PLEKHH1: variants seen among roughly 807,000 people sequenced by gnomAD.
PLEKHH1 encodes the protein pleckstrin homology domain-containing family H member 1.
Under a neutral mutation model 160.0 loss-of-function variants are expected in PLEKHH1, and 104 were observed. The observed-to-expected ratio is 0.65, with a 90% CI of 0.55 to 0.76. The LOEUF (loss-of-function observed/expected upper bound fraction) is 0.76. Ranked by LOEUF, PLEKHH1 falls within the 30% of genes least tolerant of loss-of-function variation. PLEKHH1 has a pLI of 0.00. For synonymous variants in PLEKHH1, 619 were observed against 678.4 expected (o/e 0.91, Z 1.36); for missense variants, 1,427 against 1,724.1 (o/e 0.83, Z 3.05).
chr14:67,584,113 T>C lies in PLEKHH1; in HGVS notation c.3688T>C (p.Phe1230Leu), dbSNP rs1317426393. ...RKWPFFGAKL[F>L]AAQPAQLSSK... is the part of the protein sequence containing the mutation. ...ATGGCCTTTCTTTGGTGCTAAACTT[T>C]TTGCTGCTCAGGTAAGTGCCAGTGG... Residue 1230 changes from phenylalanine to leucine, a missense_variant, in exon 26 of 29, where the codon TTT (phenylalanine) becomes CTT (leucine). Around this residue, in one of 6 missense-constraint regions of PLEKHH1, gnomAD observed 56 missense variants for 53.0 expected, o/e 1.06. Coordinates refer to ENST00000329153, the MANE Select transcript of PLEKHH1 (RefSeq NM_020715.3). 1.9e-6 allele frequency: 3 copies of C among 1,613,420 alleles called. No individual in the cohort carries two copies. The African/African-American group carries it at 4.0e-5, about 22-fold the overall frequency.
chr14:67,586,076 C>T lies in PLEKHH1; in HGVS notation c.3912C>T (p.Ile1304=), dbSNP rs1252044589. Residue 1304 remains isoleucine, a synonymous_variant, in exon 28 of 29, where the codon ATC becomes ATT. Transcript: ENST00000329153. The stretch of plus-strand genomic sequence containing the variant: ...GAAAAAGCCACATTGAGAAGTTGAT[C>T]TTCCGGATGGCTGCTCCCAAGGTAG... ...SSGKSHIEKL[I]FRMAAPKIAE... The T allele has an allele frequency of 1.1e-5, 17 of 1,613,820 alleles. No individual in the cohort carries two copies. The highest frequency in any genetic ancestry group is 1.2e-5 in the Non-Finnish European group (14 of 1,179,872).
intron 5 of PLEKHH1, among the ~76,000 whole-genome samples, chr14:67,560,720 C>T (rs2034796346): frequency 7.0e-6 from 1 of 143,712 alleles, no homozygotes; most frequent in Non-Finnish European, 1.5e-5. Flanking sequence ...AAAGGATGAA[C>T]ATATATCTTT....
Position 67,576,385 on chromosome 14 carries a change from C to T in PLEKHH1, c.2353-10C>T, listed in dbSNP as rs764932184. 6.5e-7 allele frequency: 1 copy of T among 1,546,864 alleles called. No homozygotes were observed. Among genetic ancestry groups the T allele is most frequent in the Admixed American group, 1.7e-5 (1 of 59,212 alleles). ...CCGTCCCCATCCGATGGCTTTCCGC[C>T]CTCTTCCAGGATACGTGGCTCTACC... On this transcript the variant is annotated splice_polypyrimidine_tract_variant and intron_variant, in intron 16 of 28. Coordinates refer to ENST00000329153, the MANE Select transcript of PLEKHH1 (RefSeq NM_020715.3). This position sits in a 1 kb window ranked among gnomAD's most constrained non-coding sequence, Gnocchi z 4.0.
chr14:67,568,947 A>T, intron 7 of PLEKHH1, 191 bp from the exon 8 acceptor site: 1 of 571,488 alleles, frequency 1.7e-6, no homozygotes. Context: ...AAAGGTAAGT[A>T]TTATTACCTC....
In PLEKHH1 at chr14:67,562,484, G is replaced by T. The variant is rs768377349; in HGVS notation, c.853G>T (p.Gly285Cys). Residue 285 changes from glycine to cysteine, a missense_variant, in exon 7 of 29, where the codon GGT becomes TGT. Gly to Cys is a radical substitution (Grantham distance 159, BLOSUM62 -3). Coordinates refer to ENST00000329153, the MANE Select transcript of PLEKHH1 (RefSeq NM_020715.3). ...ATGTAGTTCAGCTTCCTGGGGTGAG[G>T]GTCTGGTTACTGCTCAGAGAGGGAT... ...FRCSSASWGE[G>C]LVTAQRGMLP... 6.2e-7 allele frequency: 1 copy of T among 1,613,364 alleles called. No individual in the cohort carries two copies. Among genetic ancestry groups the T allele is most frequent in the African/African-American group, 1.3e-5 (1 of 74,920 alleles).
At chr14:67,560,709 A>G (rs1046026139) in intron 5 of PLEKHH1, among the ~76,000 whole-genome samples, 1 of 151,708 alleles carries the variant, frequency 6.6e-6, no homozygotes, top group Non-Finnish European at 1.5e-5. Context: ...TGCAGTTTGG[A>G]AAAGGATGAA....
chr14:67,573,292 C>T lies in PLEKHH1; in HGVS notation c.1745C>T (p.Ser582Leu), dbSNP rs779517515. The change falls in exon 12 of 29, where the codon TCG (serine) becomes TTG (leucine). Residue 582 changes from serine to leucine, a missense_variant. By Grantham distance (145) the Ser-to-Leu change is moderately radical (BLOSUM62 -2). Transcript: ENST00000329153. The surrounding 1 kb of genome is among the most constrained non-coding windows in gnomAD (Gnocchi z 4.8). Reference sequence around the variant, plus strand: ...ACCCCTCAGGAGTCACTGGAGAAGTCGGGCTACCTGCTGAAAATGGGGAGC... The same window carrying T: ...ACCCCTCAGGAGTCACTGGAGAAGTTGGGCTACCTGCTGAAAATGGGGAGC... The part of the protein sequence containing the change: ...LGLGGESLEK[S>L]GYLLKMGSQV... The T allele has an allele frequency of 9.9e-6, 16 of 1,612,040 alleles. No individual in the cohort carries two copies. The South Asian group carries it at 1.2e-4, about 12-fold the overall frequency.
chr14:67,549,079 C>G (rs889574101), intron 2 of PLEKHH1, among the ~76,000 whole-genome samples: 1 of 152,096 alleles, frequency 6.6e-6, no homozygotes, highest in Non-Finnish European at 1.5e-5. Context: ...TACTTTGTGA[C>G]AAGGCCAGGT....
rs751252580 is a variant in PLEKHH1, at chr14:67,569,943, T to C, written c.1365T>C (p.Val455=). The stretch of plus-strand genomic sequence containing the variant: ...CAGCTTCAAGCCCTCCTGCCCTTGT[T>C]TCCCCTGGGTCTTTCTCTGGCCTGG... ...ACCASSPPAL[V]SPGSFSGLVY... Residue 455 remains valine (V), a synonymous_variant, in exon 9 of 29, where the codon GTT becomes GTC. Coordinates refer to ENST00000329153, the MANE Select transcript of PLEKHH1 (RefSeq NM_020715.3). 3 of 1,609,724 alleles carry C rather than the reference T, an allele frequency of 1.9e-6. No homozygotes were observed. The Admixed American group carries it at 5.0e-5, about 27-fold the overall frequency.
chr14:67,585,610 G>A lies in PLEKHH1; in HGVS notation c.3742G>A (p.Ala1248Thr), dbSNP rs1222903613. The change falls in exon 27 of 29, where the codon GCT (alanine) becomes ACT (threonine). Residue 1248 changes from alanine to threonine, a missense_variant. Physicochemically the swap from Ala to Thr is moderately conservative, Grantham distance 58 (BLOSUM62 0). Transcript: ENST00000329153. ...SSKENALVWI[A>T]VNEDGVSILD... ...CAAGGAGAACGCTCTGGTGTGGATT[G>A]CTGTGAATGAGGATGGCGTCAGCAT... 1 of 1,585,156 alleles carries A rather than the reference G, an allele frequency of 6.3e-7. No homozygotes were observed. The highest frequency in any genetic ancestry group is 8.6e-7 in the Non-Finnish European group (1 of 1,164,682).
In PLEKHH1 at chr14:67,578,199, G is replaced by A; in HGVS notation, c.2751G>A (p.Gln917=). ...CRPPQKYSLM[Q]CWQLLALCAP... Reference sequence around the variant, plus strand: ...CACCTCAGAAGTACTCCCTCATGCAGGTAGGCATGCCAGGGGTGGAGCAGC... The same window carrying A: ...CACCTCAGAAGTACTCCCTCATGCAAGTAGGCATGCCAGGGGTGGAGCAGC... Residue 917 remains glutamine, a splice_region_variant and synonymous_variant, in exon 19 of 29, where the codon CAG becomes CAA. Transcript: ENST00000329153. The surrounding 1 kb of genome is among the most constrained non-coding windows in gnomAD (Gnocchi z 5.0). 4 of 1,612,890 alleles carry A rather than the reference G, an allele frequency of 2.5e-6. No individual in the cohort carries two copies. Among genetic ancestry groups the A allele is most frequent in the Non-Finnish European group, 2.5e-6 (3 of 1,179,146 alleles).
chr14:67,574,467 G>A lies in PLEKHH1; in HGVS notation c.2088+64G>A. The stretch of plus-strand genomic sequence containing the variant: ...CTGCGAATCAGGGGAGCCAGGATTG[G>A]GGTGCCGAGGGTGGTGGGTTCCCCC... On this transcript the variant is annotated intron_variant, in intron 14 of 28. Coordinates refer to ENST00000329153, the MANE Select transcript of PLEKHH1 (RefSeq NM_020715.3). The surrounding 1 kb of genome is among the most constrained non-coding windows in gnomAD (Gnocchi z 4.2). 1 of 1,311,716 alleles carries A rather than the reference G, an allele frequency of 7.6e-7. No homozygotes were observed. The highest frequency in any genetic ancestry group is 1.0e-6 in the Non-Finnish European group (1 of 994,962). The allele number at this position is 1,311,716 out of a possible 1,614,324, so 81.3% of individuals were successfully genotyped here.
Position 67,580,917 on chromosome 14 carries a change from T to C in PLEKHH1, c.3184-21T>C, listed in dbSNP as rs757548352. 3.3e-6 allele frequency: 5 copies of C among 1,532,014 alleles called. No individual in the cohort carries two copies. In the African/African-American group the frequency reaches 6.8e-5, roughly 21 times the overall value. 94.9% of individuals were successfully genotyped at this position (1,532,014 alleles called of 1,614,324 possible). On this transcript the variant is annotated intron_variant, in intron 22 of 28. Coordinates refer to ENST00000329153, the MANE Select transcript of PLEKHH1 (RefSeq NM_020715.3). ...CTCCTTATCAGGAAATTTTCTGACT[T>C]TCTTCTTTTGCCTTTTCAAGATCTG...
chr14:67,582,343 T>C lies in PLEKHH1; in HGVS notation c.3426+133T>C. 1 of 1,477,920 alleles carries C rather than the reference T, an allele frequency of 6.8e-7. No individual in the cohort carries two copies. The highest frequency in any genetic ancestry group is 9.2e-7 in the Non-Finnish European group (1 of 1,086,330). 91.6% of individuals were successfully genotyped at this position (1,477,920 alleles called of 1,614,324 possible). On this transcript the variant is annotated intron_variant, in intron 24 of 28. Transcript: ENST00000329153. The surrounding 1 kb of genome is among the most constrained non-coding windows in gnomAD (Gnocchi z 5.0). ...GAGGGCAGCTTTGCCATCTCTGGGA[T>C]GGAAAGCAGCTGACTTCTACAGATC...
At chr14:67,563,026 C>A in intron 7 of PLEKHH1, 132 bp downstream of exon 7, 1 of 889,918 alleles carries the variant, frequency 1.1e-6, no homozygotes, top group African/African-American at 1.7e-5. Flanking sequence ...AGGCAGGTAC[C>A]ATGGAGCCTG....
Position 67,576,954 on chromosome 14 carries a change from T to G in PLEKHH1, c.2462-348T>G, listed in dbSNP as rs2035646750. Among the ~76,000 whole-genome samples the G allele has an allele frequency of 6.6e-6, 1 of 152,146 alleles. No homozygotes were observed. Among genetic ancestry groups the G allele is most frequent in the African/African-American group, 2.4e-5 (1 of 41,420 alleles). ...TATACCACACACACCCCTTTACTACTGCTCTGAGGCTTGTTTGTTTCTGAC... is the reference window on the plus strand; with the variant it reads ...TATACCACACACACCCCTTTACTACGGCTCTGAGGCTTGTTTGTTTCTGAC... On this transcript the variant is annotated intron_variant, in intron 17 of 28. Coordinates refer to ENST00000329153, the MANE Select transcript of PLEKHH1 (RefSeq NM_020715.3). The surrounding 1 kb of genome is among the most constrained non-coding windows in gnomAD (Gnocchi z 4.0).
At chr14:67,554,734 T>C (rs2034527449) in intron 2 of PLEKHH1, among the ~76,000 whole-genome samples, 1 of 152,138 alleles carries the variant, frequency 6.6e-6, no homozygotes, top group Non-Finnish European at 1.5e-5. Flanking sequence ...AGAGATGCCA[T>C]GTAGGCTGTG....
chr14:67,553,631 G>A (rs1287877941), intron 2 of PLEKHH1, among the ~76,000 whole-genome samples: 1 of 152,144 alleles, frequency 6.6e-6, no homozygotes, highest in Middle Eastern at 3.2e-3. Context: ...CCAACACTGG[G>A]GGCCACCACT....
chr14:67,534,563 A>G, intron 1 of PLEKHH1, among the ~76,000 whole-genome samples: 1 of 152,150 alleles, frequency 6.6e-6, no homozygotes, highest in East Asian at 1.9e-4. Flanking sequence ...AAGAGCCATA[A>G]CTGAAACCCA....
Sources: gnomAD v4.1 joint callset for allele counts (sites outside exome capture counted in the v4.1 genomes callset) on GRCh38, gnomAD v4.1.1 for gene constraint, gnomAD v4.1.1 regional missense constraint, Gnocchi (gnomAD v3.1) non-coding constraint, MANE v1.5 for transcripts, NCBI Gene and HGNC (gene_info 2026-07-23, HGNC 2026-07-21) for gene names.